The following CXADR variants were observed in gnomAD, a reference collection of about 807,000 sequenced individuals.
CXADR encodes CXADR cell adhesion molecule, also known as coxsackievirus and adenovirus receptor.
A neutral mutation model predicts 40.3 loss-of-function variants in CXADR; 20 were observed. That is an observed-to-expected ratio of 0.50 (90% CI 0.35 to 0.72). The LOEUF is 0.72. Ranked by LOEUF, CXADR falls within the 30% of genes least tolerant of loss-of-function variation. CXADR has a pLI of 0.01. For missense variants in CXADR, 332 were observed against 449.1 expected (o/e 0.74, Z 2.36); for synonymous variants, 150 against 161.3 (o/e 0.93, Z 0.53).
chr21:17,598,868 G>A, the CXADR span: 2 of 1,501,770 alleles, frequency 1.3e-6, no homozygotes, highest in Admixed American at 2.0e-5. Context: ...AGTCACATCA[G>A]CAAAGCAAAA....
the CXADR span, among the ~76,000 whole-genome samples, chr21:17,607,095 C>T: frequency 6.6e-6 from 1 of 152,084 alleles, no homozygotes; most frequent in African/African-American, 2.4e-5. Flanking sequence ...TAGTAACAAC[C>T]CACTATTTTT....
chr21:17,611,538 T>C, the CXADR span: 1 of 152,152 alleles, frequency 6.6e-6, no homozygotes, highest in African/African-American at 2.4e-5. Context: ...CTCCCACCAG[T>C]ATTCTAGGAG....
At chr21:17,618,872 A>G in the CXADR span, among the ~76,000 whole-genome samples, 8 of 152,328 alleles carry the variant, frequency 5.3e-5, no homozygotes, top group South Asian at 1.4e-3. Flanking sequence ...TTGAAATTCT[A>G]ACTTATCCCT....
At chr21:17,541,188 C>T (rs1440817760) in intron 1 of CXADR, among the ~76,000 whole-genome samples, 8 of 152,020 alleles carry the variant, frequency 5.3e-5, no homozygotes, top group Admixed American at 6.6e-5. Flanking sequence ...GTACATTCTA[C>T]GGGTTTGGAC....
At chr21:17,541,182 A>T (rs2060822626) in intron 1 of CXADR, among the ~76,000 whole-genome samples, 2 of 152,096 alleles carry the variant, frequency 1.3e-5, no homozygotes, top group African/African-American at 4.8e-5. Flanking sequence ...GGTTTTGTAC[A>T]TTCTACGGGT....
At position 17,521,523 on chromosome 21, in the gene CXADR, A is replaced by G. The variant is rs113545101; in HGVS notation, c.43+8351A>G. 1.5e-4 allele frequency among the ~76,000 whole-genome samples: 23 copies of G among 152,178 alleles called. 1 individual carries two copies. Among genetic ancestry groups the G allele is most frequent in the African/African-American group, 5.3e-4 (22 of 41,516 alleles). On this transcript the variant is annotated intron_variant, in intron 1 of 6. Transcript: ENST00000284878. ...TTTTTAGTAGAGATGGGGCTTCGCCATGTTGGCCAGGCTGGTCTCGAACTC... is the reference window on the plus strand; with the variant it reads ...TTTTTAGTAGAGATGGGGCTTCGCCGTGTTGGCCAGGCTGGTCTCGAACTC...
the CXADR span, among the ~76,000 whole-genome samples, chr21:17,627,356 C>T: frequency 6.6e-6 from 1 of 151,050 alleles, no homozygotes; most frequent in Middle Eastern, 3.4e-3. Context: ...AACTTCACCT[C>T]GAAAAAAAAG....
the CXADR span, among the ~76,000 whole-genome samples, chr21:17,616,765 A>G: frequency 6.6e-6 from 1 of 152,170 alleles, no homozygotes; most frequent in Non-Finnish European, 1.5e-5. Flanking sequence ...AGCAAGTAAG[A>G]TCTGAGACTA....
At chr21:17,593,143 T>C (rs1025960375) in intron 7 of CXADR, 9 of 1,412,510 alleles carry the variant, frequency 6.4e-6, no homozygotes, top group African/African-American at 1.5e-5. Context: ...TCTTTTTTTC[T>C]TTTTGTAGTT....
In CXADR at chr21:17,567,873, T is replaced by TA. The variant is rs2061231899; in HGVS notation, c.*2183dup. On this transcript the variant is annotated 3_prime_UTR_variant, in exon 7 of 7. Transcript: ENST00000284878. The stretch of plus-strand genomic sequence containing the variant: ...TAAGACTTTCCTTCCTTTTTTTTTT[T>TA]AATAACATATGAGGAACAAGACTTC... 1 of 971,156 alleles carries TA rather than the reference T, an allele frequency of 1.0e-6. No individual in the cohort carries two copies. Among genetic ancestry groups the TA allele is most frequent in the South Asian group, 4.8e-5 (1 of 20,958 alleles). 60.2% of individuals were successfully genotyped at this position (971,156 alleles called of 1,614,324 possible). A position where few individuals can be genotyped will look rare whatever the true frequency, so the allele number is the denominator to read the frequency against.
the CXADR span, among the ~76,000 whole-genome samples, chr21:17,630,833 C>T: frequency 6.7e-6 from 1 of 149,058 alleles, no homozygotes; most frequent in Non-Finnish European, 1.5e-5. Flanking sequence ...AGCTTTAAGT[C>T]AAAGGTAATT....
chr21:17,553,048 A>G (rs184406420), intron 3 of CXADR, among the ~76,000 whole-genome samples: 2,054 of 152,082 alleles, frequency 0.014, 43 homozygotes, highest in African/African-American at 0.045. Context: ...TCAGCCTCCC[A>G]AGTAGCTGGG....
intron 1 of CXADR, among the ~76,000 whole-genome samples, chr21:17,521,638 A>T (rs1401007926): frequency 6.6e-6 from 1 of 152,144 alleles, no homozygotes; most frequent in Admixed American, 6.5e-5. Context: ...CCAAATTTTG[A>T]TAGAGGAGTG....
rs376266997 is a variant in CXADR, at chr21:17,547,031, C to T, written c.48C>T (p.Phe16=). ...CTTGTACATTTCTTTCTCTAGATTT[C>T]GCCAGAAGTTTGAGTATCACTACTC... is the stretch of plus-strand genomic sequence containing the variant. ...CFVLLCGVVD[F]ARSLSITTPE... Residue 16 remains phenylalanine, a synonymous_variant, in exon 2 of 7, where the codon TTC becomes TTT. Transcript: ENST00000284878. The T allele has an allele frequency of 4.0e-5, 64 of 1,612,234 alleles. 1 individual carries two copies. In the South Asian group the frequency reaches 5.8e-4, roughly 15 times the overall value.
chr21:17,588,275 T>G (rs2061411650), intron 7 of CXADR, among the ~76,000 whole-genome samples: 1 of 152,196 alleles, frequency 6.6e-6, no homozygotes, highest in Admixed American at 6.5e-5. Flanking sequence ...GTGAAGAAAG[T>G]CATTGGTAGC....
intron 7 of CXADR, among the ~76,000 whole-genome samples, chr21:17,580,997 T>C (rs2061356530): frequency 6.6e-6 from 1 of 152,162 alleles, no homozygotes; most frequent in Non-Finnish European, 1.5e-5. Context: ...GTGATCCTCC[T>C]GCCTTAGCCT....
rs549274795 is a variant in CXADR, at chr21:17,569,223, T to C, written c.*3531T>C. The C allele has an allele frequency of 2.6e-4, 252 of 985,430 alleles. 1 individual carries two copies. The highest frequency in any genetic ancestry group is 2.8e-4 in the Non-Finnish European group (231 of 829,928). The allele number at this position is 985,430 out of a possible 1,614,324, so 61.0% of individuals were successfully genotyped here. A position where few individuals can be genotyped will look rare whatever the true frequency, so the allele number is the denominator to read the frequency against. On this transcript the variant is annotated 3_prime_UTR_variant, in exon 7 of 7. Transcript: ENST00000284878. ...TTCTAATTTTCACTTCAGCAGTGTT[T>C]AGGGCTTTCAGATGCCTTATTCCAG...
In CXADR at chr21:17,569,657, G is replaced by T. The variant is rs442217; in HGVS notation, c.*3965G>T. On this transcript the variant is annotated 3_prime_UTR_variant, in exon 7 of 7. Transcript: ENST00000284878. ...AAGGCTGATCATTTATCTTATAGCA[G>T]ATAACCCCAGCCTCTTATTCATTAT... 1 of 974,552 alleles carries T rather than the reference G, an allele frequency of 1.0e-6. No individual in the cohort carries two copies. The highest frequency in any genetic ancestry group is 1.2e-6 in the Non-Finnish European group (1 of 820,500). The allele number at this position is 974,552 out of a possible 1,614,324, so 60.4% of individuals were successfully genotyped here.
chr21:17,604,286 TAAAA>T, the CXADR span: 1 of 253,518 alleles, frequency 3.9e-6, no homozygotes, highest in Non-Finnish European at 8.0e-6. Flanking sequence ...ACTACAAATA[TAAAA>T]AAAAATTAGC....
Sources: allele counts gnomAD v4.1 joint callset (sites outside exome capture counted in the v4.1 genomes callset), GRCh38; gene constraint gnomAD v4.1.1; transcripts MANE v1.5; gene names NCBI Gene and HGNC (gene_info 2026-07-23, HGNC 2026-07-21).